The following TEX14 variants were observed in gnomAD, a reference collection of about 807,000 sequenced individuals.
TEX14 encodes testis expressed 14, intercellular bridge forming factor, also known as inactive serine/threonine-protein kinase TEX14.
TEX14 carries 168 observed loss-of-function variants against 178.6 expected under a neutral mutation model. The observed-to-expected ratio is 0.94, with a 90% CI of 0.83 to 1.07. The LOEUF (loss-of-function observed/expected upper bound fraction) is 1.07. Ranked by LOEUF, TEX14 falls within the 50% of genes least tolerant of loss-of-function variation. The pLI, the probability that TEX14 is intolerant of heterozygous loss-of-function variation, is 0.00. For missense variants in TEX14, 1,730 were observed against 1,753.6 expected (o/e 0.99, Z 0.24); for synonymous variants, 626 against 634.1 (o/e 0.99, Z 0.19).
At chr17:58,627,327 A>T (rs1412116392) in intron 3 of TEX14, among the ~76,000 whole-genome samples, 1 of 152,132 alleles carries the variant, frequency 6.6e-6, no homozygotes, top group African/African-American at 2.4e-5. Context: ...AAATGTTTCA[A>T]TTTTTATCTG....
rs1333132015 is a variant in TEX14 at position 58,576,434 on chromosome 17, A to T, written c.3320+941T>A. Reference sequence around the variant, plus strand: ...GGGAGGTGGAGGTTGCAGTGAGCTGAGATCACGCCACTGCAGTGAGCTGAG... The same window carrying T: ...GGGAGGTGGAGGTTGCAGTGAGCTGTGATCACGCCACTGCAGTGAGCTGAG... On this transcript the variant is annotated intron_variant, in intron 21 of 31. Transcript: ENST00000349033. Among the ~76,000 whole-genome samples the T allele has an allele frequency of 2.0e-5, 3 of 151,428 alleles. No individual in the cohort carries two copies. In the East Asian group the frequency reaches 5.9e-4, roughly 30 times the overall value.
intron 3 of TEX14, among the ~76,000 whole-genome samples, chr17:58,628,435 G>A (rs761567936): frequency 2.6e-5 from 4 of 151,564 alleles, no homozygotes; most frequent in Non-Finnish European, 5.9e-5. Flanking sequence ...AAATTAGGCC[G>A]GGCGCAGTGG....
chr17:58,683,758 A>G (rs1448394034), intron 1 of TEX14, among the ~76,000 whole-genome samples: 2 of 126,026 alleles, frequency 1.6e-5, no homozygotes, highest in Non-Finnish European at 3.3e-5. Context: ...GCAAGACTCC[A>G]GCTCAAAAAA....
At chr17:58,580,282 T>G (rs1031177268) in intron 19 of TEX14, among the ~76,000 whole-genome samples, 1 of 152,154 alleles carries the variant, frequency 6.6e-6, no homozygotes, top group Non-Finnish European at 1.5e-5. Flanking sequence ...GTTGTGATTA[T>G]AGACATGAGC....
chr17:58,677,908 T>A (rs926168722), intron 1 of TEX14, among the ~76,000 whole-genome samples: 2 of 152,144 alleles, frequency 1.3e-5, no homozygotes, highest in African/African-American at 4.8e-5. Context: ...TCCCAACACT[T>A]TGGGAGGCCA....
Position 58,580,590 on chromosome 17 carries a change from G to A in TEX14, c.3172-859C>T, listed in dbSNP as rs779252175. ...CTCCCCAAGTGCTGGGATTACAGGC[G>A]TGAGCTACCGCGCCTGGCCTGAAAT... On this transcript the variant is annotated intron_variant, in intron 19 of 31. Transcript: ENST00000349033. Among the ~76,000 whole-genome samples, 34 of 152,222 alleles carry A rather than the reference G, an allele frequency of 2.2e-4. 1 individual carries two copies. The highest frequency in any genetic ancestry group is 2.1e-4 in the South Asian group (1 of 4,816).
intron 1 of TEX14, among the ~76,000 whole-genome samples, chr17:58,670,252 A>G (rs1031665019): frequency 1.9e-4 from 29 of 152,076 alleles, no homozygotes; most frequent in African/African-American, 6.8e-4. Context: ...CTGTCGAAGG[A>G]CCTGAGAGTT....
At chr17:58,619,023 CT>C (rs1484451397) in intron 5 of TEX14, among the ~76,000 whole-genome samples, 3 of 152,190 alleles carry the variant, frequency 2.0e-5, no homozygotes, top group Admixed American at 2.0e-4. Context: ...TAAAATAAGG[CT>C]TATGTGCTTA....
rs1347742977 is a variant in TEX14, at chr17:58,651,920, G to A, written c.82C>T (p.His28Tyr). 1.2e-6 allele frequency: 2 copies of A among 1,613,332 alleles called. No homozygotes were observed. The highest frequency in any genetic ancestry group is 8.5e-7 in the Non-Finnish European group (1 of 1,179,856). The change falls in exon 2 of 32, where the codon CAT becomes TAT. Residue 28 changes from histidine to tyrosine, a missense_variant. Around this residue, in one of 2 missense-constraint regions of TEX14, gnomAD observed 789 missense variants for 681.2 expected, o/e 1.16. Coordinates refer to ENST00000349033, the MANE Select transcript of TEX14 (RefSeq NM_031272.5). Reference sequence around the variant, plus strand: ...TAGTTCCCTTGTTTGACATACTCATGAAGCTGAGCTTCCAGGGAGTCATTT... The same window carrying A: ...TAGTTCCCTTGTTTGACATACTCATAAAGCTGAGCTTCCAGGGAGTCATTT... The part of the protein sequence containing the change: ...LRNDSLEAQL[H>Y]EYVKQGNYVK...
chr17:58,627,645 C>G (rs1183401212), intron 3 of TEX14, among the ~76,000 whole-genome samples: 2 of 151,774 alleles, frequency 1.3e-5, no homozygotes, highest in Admixed American at 1.3e-4. Context: ...TGGTGGGCAC[C>G]TGTAATCCCA....
At chr17:58,630,774 A>G (rs946413780) in intron 2 of TEX14, among the ~76,000 whole-genome samples, 1 of 152,236 alleles carries the variant, frequency 6.6e-6, no homozygotes, top group African/African-American at 2.4e-5. Flanking sequence ...AGAAAGTTGC[A>G]TTGAAGCATT....
intron 1 of TEX14, among the ~76,000 whole-genome samples, chr17:58,676,144 C>T (rs1054896456): frequency 6.6e-6 from 1 of 152,044 alleles, no homozygotes; most frequent in African/African-American, 2.4e-5. Context: ...GGAAGGCTGA[C>T]GCAGGCAGAT....
chr17:58,610,660 C>T (rs1056346716), intron 10 of TEX14, among the ~76,000 whole-genome samples: 4 of 152,066 alleles, frequency 2.6e-5, no homozygotes, highest in Non-Finnish European at 4.4e-5. Context: ...CCGAAGTGGG[C>T]GGATCACCTG....
At chr17:58,627,937 T>G (rs867487452) in intron 3 of TEX14, among the ~76,000 whole-genome samples, 14 of 144,562 alleles carry the variant, frequency 9.7e-5, no homozygotes, top group East Asian at 4.0e-4. Context: ...TTTTTTTTTT[T>G]GGGTATAGAC....
intron 18 of TEX14, 24 bp downstream of exon 18, chr17:58,585,777 C>A (rs372007275): frequency 6.2e-7 from 1 of 1,612,610 alleles, no homozygotes; most frequent in South Asian, 1.1e-5. Flanking sequence ...GTTCACCTAT[C>A]CTGATTCCCG....
chr17:58,587,505 C>T (rs938518706), intron 17 of TEX14, 76 bp downstream of exon 17: 3 of 922,560 alleles, frequency 3.3e-6, no homozygotes, highest in African/African-American at 1.7e-5. Flanking sequence ...AGGTTGTGTA[C>T]TTAGAAATAT....
At chr17:58,666,586 A>C (rs546568484) in intron 1 of TEX14, 1 of 151,888 alleles carries the variant, frequency 6.6e-6, no homozygotes, top group East Asian at 1.9e-4. Context: ...TATACACTGT[A>C]GTTACCCACA....
intron 1 of TEX14, chr17:58,660,751 T>A (rs531741790): frequency 5.1e-6 from 4 of 781,334 alleles, no homozygotes; most frequent in Non-Finnish European, 9.6e-6. Flanking sequence ...TTCCCTGATC[T>A]GGTAACACTC....
At chr17:58,666,255 C>G (rs1013520175) in intron 1 of TEX14, among the ~76,000 whole-genome samples, 2 of 150,846 alleles carry the variant, frequency 1.3e-5, no homozygotes, top group Admixed American at 6.6e-5. Context: ...AGCTGAGACA[C>G]GAGAATAGCT....
Sources: gnomAD v4.1 joint callset for allele counts (sites outside exome capture counted in the v4.1 genomes callset) on GRCh38, gnomAD v4.1.1 for gene constraint, gnomAD v4.1.1 regional missense constraint, MANE v1.5 for transcripts, NCBI Gene and HGNC (gene_info 2026-07-23, HGNC 2026-07-21) for gene names.